SNX18: variants seen among roughly 807,000 people sequenced by gnomAD.
SNX18 encodes sorting nexin-18.
Under a neutral mutation model 48.7 loss-of-function variants are expected in SNX18, and 35 were observed. The observed-to-expected ratio is 0.72, with a 90% confidence interval of 0.55 to 0.95. The LOEUF is 0.95. Ranked by LOEUF, SNX18 falls within the 40% of genes least tolerant of loss-of-function variation. SNX18 has a pLI of 0.00. For synonymous variants in SNX18, 492 were observed against 384.7 expected, an observed-to-expected ratio of 1.28 and a Z score of -3.26; for missense variants, 824 against 871.0, an observed-to-expected ratio of 0.95 and a Z score of 0.68.
chr5:54,614,149 A>C, the SNX18 span, among the ~76,000 whole-genome samples: 2 of 152,188 alleles, frequency 1.3e-5, no homozygotes, highest in Non-Finnish European at 2.9e-5. Context: ...GATAAAGATA[A>C]CGGAAAGCAG....
intron 1 of SNX18, among the ~76,000 whole-genome samples, chr5:54,534,361 A>G (rs1762311105): frequency 6.6e-6 from 1 of 151,934 alleles, no homozygotes; most frequent in Non-Finnish European, 1.5e-5. Flanking sequence ...GGATTGAGGA[A>G]AGGAAGGCAA....
the SNX18 span, among the ~76,000 whole-genome samples, chr5:54,567,567 G>A: frequency 6.6e-6 from 1 of 152,176 alleles, no homozygotes; most frequent in African/African-American, 2.4e-5. Context: ...GGGCGATGTG[G>A]CAGGAAGAAC....
At chr5:54,576,188 T>C in the SNX18 span, among the ~76,000 whole-genome samples, 6 of 152,160 alleles carry the variant, frequency 3.9e-5, no homozygotes, top group Admixed American at 3.3e-4. Flanking sequence ...GCCCTCAGCT[T>C]TTGAGTCTTC....
chr5:54,559,732 A>G, the SNX18 span, among the ~76,000 whole-genome samples: 7 of 152,236 alleles, frequency 4.6e-5, no homozygotes, highest in Non-Finnish European at 1.0e-4. Context: ...ATTAAACTAA[A>G]GAGCTTCTGT....
the SNX18 span, among the ~76,000 whole-genome samples, chr5:54,583,026 A>G: frequency 6.6e-6 from 1 of 152,208 alleles, no homozygotes; most frequent in Non-Finnish European, 1.5e-5. Flanking sequence ...TGACAGTACT[A>G]TACAATTTAG....
chr5:54,628,437 G>A, the SNX18 span, among the ~76,000 whole-genome samples: 5 of 152,058 alleles, frequency 3.3e-5, no homozygotes, highest in African/African-American at 1.2e-4. Flanking sequence ...CTGTCACTCT[G>A]GCCTCCGTCT....
At chr5:54,646,170 T>C in the SNX18 span, among the ~76,000 whole-genome samples, 27 of 152,320 alleles carry the variant, frequency 1.8e-4, 1 homozygote, top group South Asian at 5.6e-3. Flanking sequence ...GAAGACTTTT[T>C]TTCTCCTACT....
the SNX18 span, among the ~76,000 whole-genome samples, chr5:54,551,769 T>G: frequency 6.6e-6 from 1 of 152,150 alleles, no homozygotes; most frequent in Non-Finnish European, 1.5e-5. Flanking sequence ...AGTGGTGATG[T>G]GGTGGTCTCC....
chr5:54,585,915 G>C, the SNX18 span, among the ~76,000 whole-genome samples: 1 of 151,492 alleles, frequency 6.6e-6, no homozygotes, highest in African/African-American at 2.4e-5. Context: ...TGAGGCAGGA[G>C]AATGGCATGA....
chr5:54,605,855 G>T, the SNX18 span, among the ~76,000 whole-genome samples: 1 of 151,948 alleles, frequency 6.6e-6, no homozygotes, highest in African/African-American at 2.4e-5. Context: ...GTAGAGACAG[G>T]GTATCACTTT....
the SNX18 span, among the ~76,000 whole-genome samples, chr5:54,624,923 T>C: frequency 6.6e-6 from 1 of 152,138 alleles, no homozygotes; most frequent in Admixed American, 6.5e-5. Context: ...TTTGCAAAGT[T>C]TCTTGGAAGC....
chr5:54,577,243 T>C, the SNX18 span, among the ~76,000 whole-genome samples: 1 of 152,052 alleles, frequency 6.6e-6, no homozygotes, highest in Non-Finnish European at 1.5e-5. Flanking sequence ...ATCAATGAAA[T>C]GGGAGATGAG....
the SNX18 span, among the ~76,000 whole-genome samples, chr5:54,640,884 A>G: frequency 6.6e-6 from 1 of 151,998 alleles, no homozygotes; most frequent in Non-Finnish European, 1.5e-5. Flanking sequence ...ACATGGTTAA[A>G]CCCCATCTCT....
chr5:54,551,152 C>A (rs1311460634), downstream of SNX18, among the ~76,000 whole-genome samples: 3 of 151,662 alleles, frequency 2.0e-5, no homozygotes, highest in Non-Finnish European at 4.4e-5. Flanking sequence ...CCTTCGAGAC[C>A]TGGAAGTGAA....
At chr5:54,576,965 C>T in the SNX18 span, among the ~76,000 whole-genome samples, 1 of 152,086 alleles carries the variant, frequency 6.6e-6, no homozygotes, top group African/African-American at 2.4e-5. Flanking sequence ...CCACGCCCAG[C>T]TAATTTTTGT....
the SNX18 span, among the ~76,000 whole-genome samples, chr5:54,607,732 C>T: frequency 6.6e-6 from 1 of 152,072 alleles, no homozygotes; most frequent in Admixed American, 6.5e-5. Context: ...CGGGAGTTCG[C>T]GACCAGCCTG....
chr5:54,592,914 C>T, the SNX18 span, among the ~76,000 whole-genome samples: 3 of 152,212 alleles, frequency 2.0e-5, no homozygotes, highest in Admixed American at 6.5e-5. Flanking sequence ...GATTCTCATG[C>T]CTCAGCCTCC....
the SNX18 span, among the ~76,000 whole-genome samples, chr5:54,583,895 C>G: frequency 2.0e-5 from 3 of 152,158 alleles, no homozygotes; most frequent in South Asian, 4.1e-4. Context: ...CCCAGATGCC[C>G]TCTGCTGTAA....
At chr5:54,590,389 C>G in the SNX18 span, among the ~76,000 whole-genome samples, 3 of 152,142 alleles carry the variant, frequency 2.0e-5, no homozygotes, top group South Asian at 2.1e-4. Flanking sequence ...CTTCCCTAAG[C>G]CCCTTTTGTT....
Sources: gnomAD v4.1 joint callset for allele counts (sites outside exome capture counted in the v4.1 genomes callset) on GRCh38, gnomAD v4.1.1 for gene constraint, MANE v1.5 for transcripts, NCBI Gene and HGNC (gene_info 2026-07-23, HGNC 2026-07-21) for gene names.